The following SLC8A3 variants were observed in gnomAD, a reference collection of about 807,000 sequenced individuals.
The protein encoded by SLC8A3 is sodium/calcium exchanger 3.
SLC8A3 carries 37 observed loss-of-function variants against 65.4 expected under a neutral mutation model. The observed-to-expected ratio is 0.57, with a 90% CI of 0.44 to 0.74. SLC8A3 has a LOEUF of 0.74. Among genes scored for constraint, SLC8A3 ranks in the 30% least tolerant of loss-of-function variants. The pLI is 0.00. For missense variants in SLC8A3, 1,112 were observed against 1,172.1 expected (o/e 0.95, Z 0.75); for synonymous variants, 461 against 444.5 (o/e 1.04, Z -0.47).
intron 2 of SLC8A3, among the ~76,000 whole-genome samples, chr14:70,075,690 C>T (rs556886360): frequency 1.4e-4 from 21 of 152,316 alleles, no homozygotes; most frequent in Non-Finnish European, 2.9e-4. Flanking sequence ...TTCTCTTAGC[C>T]TGTTATGGTC....
chr14:70,171,932 G>A (rs916662437), intron 1 of SLC8A3, among the ~76,000 whole-genome samples: 1 of 152,122 alleles, frequency 6.6e-6, no homozygotes, highest in Non-Finnish European at 1.5e-5. Flanking sequence ...GCCAGGAAAT[G>A]GTTTCTGGCT....
intron 2 of SLC8A3, among the ~76,000 whole-genome samples, chr14:70,102,679 G>A (rs1231614717): frequency 6.6e-6 from 1 of 152,094 alleles, no homozygotes; most frequent in Admixed American, 6.5e-5. Flanking sequence ...TTCTAGATCT[G>A]AATGGCCTTA....
chr14:70,140,918 C>T (rs534004532), intron 2 of SLC8A3, among the ~76,000 whole-genome samples: 1 of 152,150 alleles, frequency 6.6e-6, no homozygotes, highest in Non-Finnish European at 1.5e-5. Context: ...AAAAGCAGGA[C>T]CAAATTCTCA....
At chr14:70,169,293 G>A (rs1359498071) in intron 1 of SLC8A3, among the ~76,000 whole-genome samples, 1 of 152,136 alleles carries the variant, frequency 6.6e-6, no homozygotes, top group Non-Finnish European at 1.5e-5. Flanking sequence ...TAGCCAAACA[G>A]AGGCCATGTA....
intron 2 of SLC8A3, among the ~76,000 whole-genome samples, chr14:70,144,350 G>T: frequency 8.6e-6 from 1 of 116,740 alleles, no homozygotes; most frequent in Non-Finnish European, 1.7e-5. Context: ...AAAAAAAAAG[G>T]CCAGGCACAG....
chr14:70,189,171 T>G (rs1883610902), upstream of SLC8A3: 1 of 152,084 alleles, frequency 6.6e-6, no homozygotes, highest in South Asian at 2.1e-4. Flanking sequence ...GCATCCCGCA[T>G]CCCGCATCCC....
At chr14:70,158,397 G>A (rs1313592550) in intron 2 of SLC8A3, among the ~76,000 whole-genome samples, 1 of 152,194 alleles carries the variant, frequency 6.6e-6, no homozygotes, top group African/African-American at 2.4e-5. Flanking sequence ...GACAAATCAA[G>A]ACCAAACAGC....
chr14:70,066,543 C>T (rs552259099), intron 2 of SLC8A3, among the ~76,000 whole-genome samples: 1 of 152,242 alleles, frequency 6.6e-6, no homozygotes, highest in South Asian at 2.1e-4. Context: ...CAGCGCGGTG[C>T]CTCACACCTG....
intron 2 of SLC8A3, among the ~76,000 whole-genome samples, chr14:70,109,196 CT>C (rs61458322): frequency 5.9e-4 from 80 of 136,618 alleles, no homozygotes; most frequent in East Asian, 2.8e-3. Flanking sequence ...GCAGAAGGTT[CT>C]TTTTTTTTTT....
rs141631243 is a variant in SLC8A3, at chr14:70,119,583, A to G, written c.1784+47056T>C. On this transcript the variant is annotated intron_variant, in intron 2 of 6. Transcript: ENST00000356921. ...GTAATTGCTGGAGACTACACAGGCT[A>G]CTTAGTGGCTGATGCATTTTCTCAG... Among the ~76,000 whole-genome samples the G allele has an allele frequency of 2.0e-5, 3 of 152,340 alleles. No individual in the cohort carries two copies. The East Asian group carries it at 5.8e-4, about 29-fold the overall frequency.
In SLC8A3 at chr14:70,167,681, C is replaced by T; in HGVS notation, c.742G>A (p.Ala248Thr). ...LFFFPVCVLL[A>T]WVADKRLLFY... is the part of the protein sequence containing the mutation. ...AGCAGTCGTTTATCTGCCACCCAGG[C>T]CAGAAGGACACACACTGGAAAGAAG... The change falls in exon 2 of 7, where the codon GCC becomes ACC. Residue 248 changes from alanine (A) to threonine (T), a missense_variant. Transcript: ENST00000356921. The T allele has an allele frequency of 6.2e-7, 1 of 1,614,100 alleles. No individual in the cohort carries two copies. Among genetic ancestry groups the T allele is most frequent in the Non-Finnish European group, 8.5e-7 (1 of 1,180,014 alleles).
At position 70,150,333 on chromosome 14, in the gene SLC8A3, G is replaced by A. The variant is rs1594763958; in HGVS notation, c.1784+16306C>T. 2.0e-5 allele frequency among the ~76,000 whole-genome samples: 3 copies of A among 152,276 alleles called. 1 individual carries two copies. Among genetic ancestry groups the A allele is most frequent in the Admixed American group, 2.0e-4 (3 of 15,298 alleles). ...CTCTAGTTCAGGTCACCAACAAGTA[G>A]CTGGGACTCCAAATCAGCCTGTCTG... is the stretch of plus-strand genomic sequence containing the variant. On this transcript the variant is annotated intron_variant, in intron 2 of 6. Transcript: ENST00000356921.
rs115381791 is a variant in SLC8A3 at position 70,107,949 on chromosome 14, C to T, written c.1785-47010G>A. Among the ~76,000 whole-genome samples the T allele has an allele frequency of 3.1e-3, 469 of 152,178 alleles. 11 individuals are homozygous for T. The highest frequency in any genetic ancestry group is 0.011 in the African/African-American group (455 of 41,472). Reference sequence around the variant, plus strand: ...TTCTCTCTGATAGATGTTTGGCATCCGTGCATGTGTTTGCCCTTCATCTTT... The same window carrying T: ...TTCTCTCTGATAGATGTTTGGCATCTGTGCATGTGTTTGCCCTTCATCTTT... On this transcript the variant is annotated intron_variant, in intron 2 of 6. Transcript: ENST00000356921.
intron 2 of SLC8A3, among the ~76,000 whole-genome samples, chr14:70,092,001 T>C (rs919812735): frequency 1.3e-5 from 2 of 152,224 alleles, no homozygotes; most frequent in Non-Finnish European, 2.9e-5. Context: ...TTACTTCCTA[T>C]GCAACCCTCA....
intron 2 of SLC8A3, among the ~76,000 whole-genome samples, chr14:70,149,671 C>T (rs1566812848): frequency 1.3e-5 from 2 of 152,174 alleles, no homozygotes; most frequent in African/African-American, 2.4e-5. Context: ...ATTGTAGCTG[C>T]TCCAGCCCCA....
chr14:70,170,831 T>C (rs1341991564), intron 1 of SLC8A3, among the ~76,000 whole-genome samples: 1 of 152,116 alleles, frequency 6.6e-6, no homozygotes, highest in Non-Finnish European at 1.5e-5. Context: ...ACATTCTCCA[T>C]TAGTCCAGGT....
At chr14:70,134,500 G>C (rs1895061166) in intron 2 of SLC8A3, among the ~76,000 whole-genome samples, 3 of 152,076 alleles carry the variant, frequency 2.0e-5, no homozygotes, top group Admixed American at 1.3e-4. Context: ...AAAGTAAAAA[G>C]CCTAGACACC....
intron 2 of SLC8A3, among the ~76,000 whole-genome samples, chr14:70,161,288 CAAAAAAA>C (rs5809474): frequency 2.4e-4 from 8 of 33,290 alleles, no homozygotes; most frequent in Non-Finnish European, 4.0e-4. Flanking sequence ...GACTCCATCT[CAAAAAAA>C]AAAAAAAAAA....
chr14:70,188,091 T>C (rs543027232), intron 1 of SLC8A3, among the ~76,000 whole-genome samples: 9 of 152,164 alleles, frequency 5.9e-5, no homozygotes, highest in African/African-American at 2.2e-4. Context: ...GGCATCTCTC[T>C]CTGCCCCTCC....
Sources: gnomAD v4.1 joint callset for allele counts (sites outside exome capture counted in the v4.1 genomes callset) on GRCh38, gnomAD v4.1.1 for gene constraint, MANE v1.5 for transcripts, NCBI Gene and HGNC (gene_info 2026-07-23, HGNC 2026-07-21) for gene names.